Variants in CHMP3 observed in about 807,000 individuals in gnomAD.
CHMP3 encodes the protein charged multivesicular body protein 3.
A neutral mutation model predicts 27.4 loss-of-function variants in CHMP3; 8 were observed. That is an observed-to-expected ratio of 0.29 (90% CI 0.17 to 0.53). The LOEUF (loss-of-function observed/expected upper bound fraction) is 0.53, where lower values mean the gene tolerates loss of function less well. CHMP3 is among the 20% of genes least tolerant of loss of function. The pLI is 0.96. For synonymous variants in CHMP3, 86 were observed against 85.5 expected, an observed-to-expected ratio of 1.01 and a Z score of -0.03; for missense variants, 208 against 271.5, an observed-to-expected ratio of 0.77 and a Z score of 1.64.
rs1676959714 is a variant in CHMP3 at position 86,552,743 on chromosome 2, A to G, written c.46-10431T>C. Among the ~76,000 whole-genome samples, 7 of 152,320 alleles carry G rather than the reference A, an allele frequency of 4.6e-5. No homozygotes were observed. In the South Asian group the frequency reaches 1.4e-3, roughly 32 times the overall value. ...GGTTACCTGTGAGGCATTCTTGCTA[A>G]AATTGTTTAACCTGGATCTTATCAA... On this transcript the variant is annotated intron_variant, in intron 1 of 5. Coordinates refer to ENST00000263856, the MANE Select transcript of CHMP3 (RefSeq NM_016079.4).
chr2:86,525,599 C>T (rs1451346892), intron 3 of CHMP3, among the ~76,000 whole-genome samples: 1 of 151,132 alleles, frequency 6.6e-6, no homozygotes. Context: ...AGGACATTTA[C>T]ACAGTAAGTT....
At chr2:86,524,159 T>C (rs1425210306) in intron 3 of CHMP3, among the ~76,000 whole-genome samples, 1 of 152,042 alleles carries the variant, frequency 6.6e-6, no homozygotes, top group Non-Finnish European at 1.5e-5. Flanking sequence ...GTCTGAGAAA[T>C]CCAATAACTA....
At chr2:86,519,499 G>C (rs967018943) in intron 3 of CHMP3, among the ~76,000 whole-genome samples, 1 of 152,118 alleles carries the variant, frequency 6.6e-6, no homozygotes, top group East Asian at 1.9e-4. Flanking sequence ...TAAAATTCTA[G>C]AGGGAAGACT....
intron 1 of CHMP3, among the ~76,000 whole-genome samples, chr2:86,559,856 C>T (rs1677277970): frequency 6.6e-6 from 1 of 152,210 alleles, no homozygotes; most frequent in African/African-American, 2.4e-5. Flanking sequence ...TGTTTCTGAT[C>T]ATCTCAGCCT....
chr2:86,519,267 G>C (rs577397769), intron 3 of CHMP3, among the ~76,000 whole-genome samples: 4 of 151,890 alleles, frequency 2.6e-5, no homozygotes, highest in African/African-American at 9.7e-5. Flanking sequence ...CCAGCTACTT[G>C]GGAGGCTGAG....
At chr2:86,553,741 A>G (rs539978730) in intron 1 of CHMP3, among the ~76,000 whole-genome samples, 29 of 152,342 alleles carry the variant, frequency 1.9e-4, no homozygotes, top group Non-Finnish European at 3.2e-4. Flanking sequence ...AAATTTAAAT[A>G]TGGACTAGAT....
intron 3 of CHMP3, among the ~76,000 whole-genome samples, chr2:86,523,027 C>T (rs1675572579): frequency 1.3e-5 from 2 of 152,198 alleles, no homozygotes. Context: ...CTCTTAACTC[C>T]CATTGCACTT....
intron 3 of CHMP3, among the ~76,000 whole-genome samples, chr2:86,520,839 C>G (rs1675492970): frequency 6.6e-6 from 1 of 152,192 alleles, no homozygotes; most frequent in African/African-American, 2.4e-5. Flanking sequence ...ACTGTCATCA[C>G]TATTGTCAGG....
At chr2:86,550,497 A>C (rs576597819) in intron 1 of CHMP3, among the ~76,000 whole-genome samples, 1 of 152,238 alleles carries the variant, frequency 6.6e-6, no homozygotes, top group African/African-American at 2.4e-5. Flanking sequence ...GGCAATAACC[A>C]CTAAAAGGAA....
At chr2:86,525,044 T>C (rs1675646775) in intron 3 of CHMP3, among the ~76,000 whole-genome samples, 1 of 146,052 alleles carries the variant, frequency 6.8e-6, no homozygotes, top group African/African-American at 2.7e-5. Flanking sequence ...TGCTTTCTTA[T>C]TAAATGATGC....
At chr2:86,507,170 AG>A (rs1340384906) in intron 5 of CHMP3, 1 of 216,742 alleles carries the variant, frequency 4.6e-6, no homozygotes, top group Non-Finnish European at 9.3e-6. Flanking sequence ...GGCGAAGGCA[AG>A]GGCTTTTGAA....
intron 1 of CHMP3, among the ~76,000 whole-genome samples, chr2:86,557,742 C>A (rs922469277): frequency 6.6e-6 from 1 of 152,238 alleles, no homozygotes; most frequent in East Asian, 1.9e-4. Flanking sequence ...GTGACAAGAC[C>A]GAGACCGTCC....
At chr2:86,518,547 G>GT (rs1197364488) in intron 3 of CHMP3, among the ~76,000 whole-genome samples, 2 of 152,158 alleles carry the variant, frequency 1.3e-5, no homozygotes, top group African/African-American at 4.8e-5. Flanking sequence ...GCTCAAAAGT[G>GT]TGAGTTGATT....
intron 1 of CHMP3, among the ~76,000 whole-genome samples, chr2:86,548,736 T>C (rs10188515): frequency 0.61 from 91,761 of 151,492 alleles, 28,017 homozygotes; most frequent in East Asian, 0.74. Flanking sequence ...CCAGATGGGG[T>C]GGCCGGGCAG....
chr2:86,558,054 G>A (rs1213383754), intron 1 of CHMP3, among the ~76,000 whole-genome samples: 1 of 152,122 alleles, frequency 6.6e-6, no homozygotes, highest in East Asian at 1.9e-4. Flanking sequence ...AAGAACATAA[G>A]TCATATGATT....
intron 1 of CHMP3, 100 bp downstream of exon 1, chr2:86,563,204 T>C (rs1009862264): frequency 1.8e-5 from 26 of 1,416,426 alleles, no homozygotes; most frequent in Non-Finnish European, 2.2e-5. Context: ...GGCCGGGCGG[T>C]ATCGGGCAGG....
At chr2:86,546,471 CTT>C (rs1017091290) in intron 1 of CHMP3, among the ~76,000 whole-genome samples, 7 of 147,592 alleles carry the variant, frequency 4.7e-5, no homozygotes, top group African/African-American at 1.8e-4. Flanking sequence ...GACTTTCGCT[CTT>C]GTTGGCCAGG....
intron 1 of CHMP3, among the ~76,000 whole-genome samples, chr2:86,549,782 A>T (rs866366824): frequency 1.4e-5 from 2 of 143,086 alleles, no homozygotes; most frequent in South Asian, 4.6e-4. Flanking sequence ...CGCCTCCCAG[A>T]CGGGGCGGCC....
At chr2:86,553,470 T>G (rs528643020) in intron 1 of CHMP3, among the ~76,000 whole-genome samples, 1 of 152,224 alleles carries the variant, frequency 6.6e-6, no homozygotes, top group Admixed American at 6.5e-5. Flanking sequence ...TAGCTGGGAT[T>G]ATAGGTGCAC....
Sources: gnomAD v4.1 joint callset for allele counts (sites outside exome capture counted in the v4.1 genomes callset) on GRCh38, gnomAD v4.1.1 for gene constraint, MANE v1.5 for transcripts, NCBI Gene and HGNC (gene_info 2026-07-23, HGNC 2026-07-21) for gene names.